FBXW4: variants seen among roughly 807,000 people sequenced by gnomAD.
The protein encoded by FBXW4 is F-box and WD repeat domain containing 4.
Under a neutral mutation model 61.8 loss-of-function variants are expected in FBXW4, and 40 were observed. That is an observed-to-expected ratio of 0.65 (90% CI 0.50 to 0.84). The LOEUF (loss-of-function observed/expected upper bound fraction) is 0.84, where lower values mean the gene tolerates loss of function less well. FBXW4 is among the 40% of genes least tolerant of loss of function. FBXW4 has a pLI of 0.00. For missense variants in FBXW4, 672 were observed against 753.8 expected, an observed-to-expected ratio of 0.89 and a Z score of 1.27; for synonymous variants, 311 against 313.8, an observed-to-expected ratio of 0.99 and a Z score of 0.10.
At chr10:101,613,998 T>A (rs1020849916) in intron 6 of FBXW4, among the ~76,000 whole-genome samples, 1 of 152,228 alleles carries the variant, frequency 6.6e-6, no homozygotes, top group Non-Finnish European at 1.5e-5. Context: ...CCTTAGAGAC[T>A]GCTAACCTTG....
At chr10:101,645,489 C>T (rs1378302966) in intron 5 of FBXW4, among the ~76,000 whole-genome samples, 1 of 152,268 alleles carries the variant, frequency 6.6e-6, no homozygotes, top group Admixed American at 6.5e-5. Flanking sequence ...CAGACACACA[C>T]AGGCTGCCTC....
At chr10:101,687,434 C>T (rs773598680) in intron 1 of FBXW4, among the ~76,000 whole-genome samples, 5 of 152,136 alleles carry the variant, frequency 3.3e-5, no homozygotes, top group Non-Finnish European at 7.3e-5. Flanking sequence ...AAATCAACAG[C>T]GTACCCTAAT....
chr10:101,630,897 C>T lies in FBXW4; in HGVS notation c.1236-6087G>A, dbSNP rs779544066. ...GGTGGGGAAACATCCACCTGAATGC[C>T]CTCTAGAGCGCAGCTCCAGAAGCTG... On this transcript the variant is annotated intron_variant, in intron 5 of 8. Coordinates refer to ENST00000331272, the MANE Select transcript of FBXW4 (RefSeq NM_022039.4). Among the ~76,000 whole-genome samples the T allele has an allele frequency of 1.2e-3, 182 of 152,340 alleles. 2 individuals are homozygous for T. The Middle Eastern group carries it at 0.014, about 11-fold the overall frequency.
intron 5 of FBXW4, among the ~76,000 whole-genome samples, chr10:101,664,920 G>T (rs1003042579): frequency 2.0e-5 from 3 of 152,106 alleles, no homozygotes; most frequent in African/African-American, 7.2e-5. Flanking sequence ...TTCTAGTAAG[G>T]TCTGTAAAGG....
At chr10:101,624,678 G>C in intron 6 of FBXW4, 67 bp downstream of exon 6, 1 of 1,565,056 alleles carries the variant, frequency 6.4e-7, no homozygotes, top group Non-Finnish European at 8.8e-7. Context: ...CTGAGGCAGA[G>C]GCTGGCTCAG....
chr10:101,639,480 T>C (rs1016471340), intron 5 of FBXW4, among the ~76,000 whole-genome samples: 1 of 152,244 alleles, frequency 6.6e-6, no homozygotes, highest in Non-Finnish European at 1.5e-5. Flanking sequence ...GGACTGGACA[T>C]CATGGAGTCA....
chr10:101,686,481 C>T (rs550925665), intron 1 of FBXW4, among the ~76,000 whole-genome samples: 1 of 151,222 alleles, frequency 6.6e-6, no homozygotes, highest in South Asian at 2.1e-4. Context: ...AAGAAAGATG[C>T]GGATTTTTGG....
At chr10:101,685,920 C>T (rs776638129) in intron 1 of FBXW4, among the ~76,000 whole-genome samples, 10 of 150,496 alleles carry the variant, frequency 6.6e-5, no homozygotes, top group Non-Finnish European at 1.3e-4. Flanking sequence ...AAGGCCCTTC[C>T]TTAAAATGTG....
chr10:101,687,557 C>G (rs1355384363), intron 1 of FBXW4, among the ~76,000 whole-genome samples: 1 of 152,166 alleles, frequency 6.6e-6, no homozygotes, highest in Non-Finnish European at 1.5e-5. Context: ...TTAAAACAAT[C>G]CTCTACCACC....
At chr10:101,636,364 A>G (rs2064001509) in intron 5 of FBXW4, among the ~76,000 whole-genome samples, 1 of 151,894 alleles carries the variant, frequency 6.6e-6, no homozygotes, top group African/African-American at 2.4e-5. Flanking sequence ...TCTCAAAAAA[A>G]GAACCAAAAA....
chr10:101,652,411 C>T (rs896703656), intron 5 of FBXW4, among the ~76,000 whole-genome samples: 2 of 152,048 alleles, frequency 1.3e-5, no homozygotes, highest in African/African-American at 2.4e-5. Flanking sequence ...CTGGGATCCA[C>T]GATATTCCCT....
At chr10:101,640,555 G>T (rs1483278905) in intron 5 of FBXW4, among the ~76,000 whole-genome samples, 1 of 122,844 alleles carries the variant, frequency 8.1e-6, no homozygotes. Flanking sequence ...GCAGTGGCAT[G>T]ATCTTGGCTC....
intron 1 of FBXW4, among the ~76,000 whole-genome samples, chr10:101,693,816 G>T (rs893792420): frequency 1.3e-5 from 2 of 152,104 alleles, no homozygotes; most frequent in South Asian, 4.1e-4. Flanking sequence ...CCTCAAGCAG[G>T]CCCCCTTTTT....
intron 1 of FBXW4, among the ~76,000 whole-genome samples, chr10:101,683,850 C>T (rs762675680): frequency 2.6e-5 from 4 of 152,162 alleles, no homozygotes; most frequent in Non-Finnish European, 5.9e-5. Context: ...GAAGGAAACT[C>T]AGGAAAGGAA....
intron 1 of FBXW4, among the ~76,000 whole-genome samples, chr10:101,692,554 G>A (rs529490529): frequency 3.3e-5 from 5 of 151,774 alleles, no homozygotes; most frequent in South Asian, 2.1e-4. Context: ...TCGGCAGTTC[G>A]AGACCAACCT....
chr10:101,623,185 GC>G (rs1337988492), intron 6 of FBXW4, among the ~76,000 whole-genome samples: 1 of 152,142 alleles, frequency 6.6e-6, no homozygotes, highest in African/African-American at 2.4e-5. Flanking sequence ...ACTTTGGGAG[GC>G]CTAGGCAGAC....
At chr10:101,667,795 C>T (rs2064319966) in intron 5 of FBXW4, 91 bp downstream of exon 5, 9 of 1,176,216 alleles carry the variant, frequency 7.7e-6, no homozygotes, top group South Asian at 5.1e-5. Flanking sequence ...ACCTAGAATA[C>T]ACAACAGGAA....
Position 101,667,982 on chromosome 10 carries a change from T to C in FBXW4, c.1141-2A>G, listed in dbSNP as rs756953810. Reference sequence around the variant, plus strand: ...CCGGCCTGAGGCCAAAGGCCACACCTAGAAACAGGAGAGGAGATGCTCTCG... The same window carrying C: ...CCGGCCTGAGGCCAAAGGCCACACCCAGAAACAGGAGAGGAGATGCTCTCG... On this transcript the variant is annotated splice_acceptor_variant, in intron 4 of 8. Coordinates refer to ENST00000331272, the MANE Select transcript of FBXW4 (RefSeq NM_022039.4). LOFTEE classifies it high-confidence loss of function. 6.2e-7 allele frequency: 1 copy of C among 1,613,014 alleles called. No individual in the cohort carries two copies.
intron 5 of FBXW4, among the ~76,000 whole-genome samples, chr10:101,629,765 G>C (rs1302816362): frequency 1.3e-5 from 2 of 151,692 alleles, no homozygotes; most frequent in African/African-American, 4.9e-5. Flanking sequence ...TCAAGAGTTA[G>C]TCTTGTTTGA....
Sources: allele counts gnomAD v4.1 joint callset (sites outside exome capture counted in the v4.1 genomes callset), GRCh38; gene constraint gnomAD v4.1.1; transcripts MANE v1.5; gene names NCBI Gene and HGNC (gene_info 2026-07-23, HGNC 2026-07-21).